The following PCDHGA3 variants were observed in gnomAD, a reference collection of about 807,000 sequenced individuals.
PCDHGA3 encodes the protein protocadherin gamma-A3.
Under a neutral mutation model 58.5 loss-of-function variants are expected in PCDHGA3, and 40 were observed. That is an observed-to-expected ratio of 0.68 (90% CI 0.53 to 0.89). PCDHGA3 has a LOEUF of 0.89. PCDHGA3 is among the 40% of genes least tolerant of loss of function. The pLI is 0.00. For synonymous variants in PCDHGA3, 530 were observed against 525.7 expected (o/e 1.01, Z -0.11); for missense variants, 1,223 against 1,195.9 (o/e 1.02, Z -0.33).
Position 141,511,380 on chromosome 5 carries a change from C to T in PCDHGA3, c.*207C>T, listed in dbSNP as rs896762148. 1.5e-5 allele frequency: 18 copies of T among 1,170,372 alleles called. No homozygotes were observed. The highest frequency in any genetic ancestry group is 3.0e-4 in the Middle Eastern group (1 of 3,384). 72.5% of individuals were successfully genotyped at this position (1,170,372 alleles called of 1,614,324 possible). ...GGGGTTGAATATGCAAAAGCAGTTC[C>T]GCTGGGAACCCCCATCCAATCAACT... is the stretch of plus-strand genomic sequence containing the variant. On this transcript the variant is annotated 3_prime_UTR_variant, in exon 4 of 4. Coordinates refer to ENST00000253812, the MANE Select transcript of PCDHGA3 (RefSeq NM_018916.4).
At position 141,345,660 on chromosome 5, in the gene PCDHGA3, A is replaced by T; in HGVS notation, c.1627A>T (p.Ser543Cys). The T allele has an allele frequency of 1.2e-6, 2 of 1,614,210 alleles. No individual in the cohort carries two copies. Among genetic ancestry groups the T allele is most frequent in the Non-Finnish European group, 1.7e-6 (2 of 1,180,042 alleles). ...TASDSGNPPLSSNVSLNLFVL... is the reference protein window; with the variant it reads ...TASDSGNPPLCSNVSLNLFVL... ...CAGCGACAGCGGGAACCCTCCACTC[A>T]GCAGCAACGTGTCGCTGAACCTGTT... The change falls in exon 1 of 4, where the codon AGC becomes TGC. Residue 543 changes from serine (S) to cysteine (C), a missense_variant. By Grantham distance (112) the Ser-to-Cys change is moderately radical (BLOSUM62 -1). Coordinates refer to ENST00000253812, the MANE Select transcript of PCDHGA3 (RefSeq NM_018916.4).
intron 1 of PCDHGA3, among the ~76,000 whole-genome samples, chr5:141,358,066 C>T (rs1760810075): frequency 1.3e-5 from 2 of 152,032 alleles, no homozygotes; most frequent in South Asian, 4.2e-4. Context: ...GGTGTGTGCC[C>T]GTAGTCCCAG....
chr5:141,405,461 C>T, intron 1 of PCDHGA3: 1 of 1,220,756 alleles, frequency 8.2e-7, no homozygotes, highest in Non-Finnish European at 1.1e-6. Context: ...ACTCTGTTAC[C>T]CAGGCTGGAA....
At chr5:141,479,937 C>G (rs1322238189) in intron 1 of PCDHGA3, among the ~76,000 whole-genome samples, 1 of 152,212 alleles carries the variant, frequency 6.6e-6, no homozygotes, top group African/African-American at 2.4e-5. Context: ...TCATTGCTAT[C>G]AACTCTTGGA....
chr5:141,439,162 C>T (rs1422780686), intron 1 of PCDHGA3, among the ~76,000 whole-genome samples: 1 of 149,498 alleles, frequency 6.7e-6, no homozygotes, highest in Non-Finnish European at 1.5e-5. Flanking sequence ...CACTGCACTC[C>T]AGCCTGGGCG....
Position 141,511,202 on chromosome 5 carries a change from C to A in PCDHGA3, c.*29C>A. On this transcript the variant is annotated 3_prime_UTR_variant, in exon 4 of 4. Transcript: ENST00000253812. ...GGAGGCCAGGCCAAGAGCCACAGGG[C>A]GGCCTCTCCCCAACCAGCCCAGCTT... The A allele has an allele frequency of 6.2e-7, 1 of 1,612,136 alleles. No individual in the cohort carries two copies.
intron 1 of PCDHGA3, chr5:141,407,994 C>T (rs1449634415): frequency 1.0e-5 from 9 of 858,436 alleles, no homozygotes; most frequent in African/African-American, 1.7e-5. Flanking sequence ...CAGCCTCTGG[C>T]CTGGGATTCC....
chr5:141,395,654 A>G (rs1462491005), intron 1 of PCDHGA3: 1 of 164,436 alleles, frequency 6.1e-6, no homozygotes, highest in Admixed American at 6.1e-5. Context: ...AGCTTAGCAA[A>G]AGTAAAATAT....
chr5:141,372,514 T>C lies in PCDHGA3; in HGVS notation c.2424+26057T>C. ...ATCTCAGTGCTCTTCCTCCTCGCGG[T>C]GATTCTGGCAATCTCCCTGCGCCTG... On this transcript the variant is annotated intron_variant, in intron 1 of 3. Coordinates refer to ENST00000253812, the MANE Select transcript of PCDHGA3 (RefSeq NM_018916.4). 5 of 1,614,028 alleles carry C rather than the reference T, an allele frequency of 3.1e-6. No individual in the cohort carries two copies. The South Asian group carries it at 4.4e-5, about 14-fold the overall frequency.
chr5:141,419,370 A>T, intron 1 of PCDHGA3: 1 of 1,613,692 alleles, frequency 6.2e-7, no homozygotes, highest in Non-Finnish European at 8.5e-7. Context: ...CTGTCGTCCT[A>T]CGTGTCCGTG....
In PCDHGA3 at chr5:141,430,383, GAA is replaced by G. The variant is rs139772145; in HGVS notation, c.2425-64412_2425-64411del. Among the ~76,000 whole-genome samples the G allele has an allele frequency of 1.3e-3, 180 of 138,574 alleles. 1 individual carries two copies. Among genetic ancestry groups the G allele is most frequent in the African/African-American group, 4.5e-3 (169 of 37,858 alleles). 90.9% of individuals were successfully genotyped at this position (138,574 alleles called of 152,430 possible). A position where few individuals can be genotyped will look rare whatever the true frequency, so the allele number is the denominator to read the frequency against. On this transcript the variant is annotated intron_variant, in intron 1 of 3. Coordinates refer to ENST00000253812, the MANE Select transcript of PCDHGA3 (RefSeq NM_018916.4). ...CATTGGGGAAAAAAAAGCTCATTGG[GAA>G]AAAAAAAAAAAGCTCACTAAAGTTT...
At chr5:141,430,837 C>G (rs1350348914) in intron 1 of PCDHGA3, 1 of 1,560,074 alleles carries the variant, frequency 6.4e-7, no homozygotes, top group Non-Finnish European at 8.6e-7. Context: ...TGTGGGAGAC[C>G]GGATGCACCC....
rs146299808 is a variant in PCDHGA3 at position 141,350,246 on chromosome 5, C to G, written c.2424+3789C>G. 2.8e-5 allele frequency: 42 copies of G among 1,506,060 alleles called. No individual in the cohort carries two copies. The East Asian group carries it at 8.2e-4, about 30-fold the overall frequency. The allele number at this position is 1,506,060 out of a possible 1,614,324, so 93.3% of individuals were successfully genotyped here. A position where few individuals can be genotyped will look rare whatever the true frequency, so the allele number is the denominator to read the frequency against. ...AACATCCCAGAGGAAAGAAGCTCCG[C>G]GGAGAGTTCCTGAAATGCAGAGAGC... On this transcript the variant is annotated intron_variant, in intron 1 of 3. Transcript: ENST00000253812.
chr5:141,438,807 G>A (rs956766683), intron 1 of PCDHGA3, among the ~76,000 whole-genome samples: 13 of 149,270 alleles, frequency 8.7e-5, no homozygotes, highest in African/African-American at 1.7e-4. Context: ...GATTACAGGC[G>A]CCTGTCACCA....
At chr5:141,422,144 G>T in intron 1 of PCDHGA3, 1 of 1,583,520 alleles carries the variant, frequency 6.3e-7, no homozygotes, top group Non-Finnish European at 8.5e-7. Context: ...CAAGTACGGG[G>T]GTCTCTGGAT....
intron 1 of PCDHGA3, chr5:141,352,580 C>T (rs2149770096): frequency 6.2e-7 from 1 of 1,613,892 alleles, no homozygotes; most frequent in East Asian, 2.2e-5. Flanking sequence ...GGCTCCCCCT[C>T]AGGATCTGCT....
rs373424450 is a variant in PCDHGA3, at chr5:141,450,829, AT to A, written c.2425-43965del. 1.1e-3 allele frequency among the ~76,000 whole-genome samples: 154 copies of A among 135,102 alleles called. 1 individual carries two copies. Among genetic ancestry groups the A allele is most frequent in the South Asian group, 8.9e-3 (38 of 4,254 alleles). 88.6% of individuals were successfully genotyped at this position (135,102 alleles called of 152,430 possible). ...TTATTTATTTAATATTATTATTATTATTTTTTTTTTTTTGAGATGGGGTCTT... is the reference window on the plus strand; with the variant it reads ...TTATTTATTTAATATTATTATTATTATTTTTTTTTTTTGAGATGGGGTCTT... On this transcript the variant is annotated intron_variant, in intron 1 of 3. Transcript: ENST00000253812.
At position 141,512,133 on chromosome 5, in the gene PCDHGA3, G is replaced by C. The variant is rs1394116556; in HGVS notation, c.*960G>C. 1 of 152,708 alleles carries C rather than the reference G, an allele frequency of 6.5e-6. No homozygotes were observed. Among genetic ancestry groups the C allele is most frequent in the Non-Finnish European group, 1.5e-5 (1 of 68,102 alleles). The allele number at this position is 152,708 out of a possible 1,614,324, so 9.5% of individuals were successfully genotyped here. On this transcript the variant is annotated 3_prime_UTR_variant, in exon 4 of 4. Transcript: ENST00000253812. ...CCACTACATAATAGGGCTCAGCCCA[G>C]GCAGCCAGCTTTGGGCTGAGCTAAC...
intron 1 of PCDHGA3, chr5:141,394,343 C>T: frequency 1.2e-6 from 2 of 1,614,158 alleles, no homozygotes; most frequent in African/African-American, 1.3e-5. Context: ...TCAACTCTGA[C>T]ACCGGTGTCC....
Sources: allele counts gnomAD v4.1 joint callset (sites outside exome capture counted in the v4.1 genomes callset), GRCh38; gene constraint gnomAD v4.1.1; transcripts MANE v1.5; gene names NCBI Gene and HGNC (gene_info 2026-07-23, HGNC 2026-07-21).